Variants in MSH6 observed in about 807,000 individuals in gnomAD.
MSH6 encodes DNA mismatch repair protein Msh6.
Under a neutral mutation model 119.1 loss-of-function variants are expected in MSH6, and 85 were observed. The ratio of observed to expected loss-of-function variants is 0.71; its 90% CI spans 0.60 to 0.85. The LOEUF (loss-of-function observed/expected upper bound fraction) is 0.85. Among genes scored for constraint, MSH6 ranks in the 40% least tolerant of loss-of-function variants. The pLI, the probability that MSH6 is intolerant of heterozygous loss-of-function variation, is 0.00. For missense variants in MSH6, 2,163 were observed against 1,655.3 expected, an observed-to-expected ratio of 1.31 and a Z score of -5.32; for synonymous variants, 830 against 586.9, an observed-to-expected ratio of 1.41 and a Z score of -5.99.
At chr2:47,809,903 A>C (rs115359499), downstream of MSH6, 1,751 of 542,316 alleles carry the variant, frequency 3.2e-3, 34 homozygotes, top group African/African-American at 0.03. Flanking sequence ...TCAAAACTGC[A>C]ATTAACTTTC....
At chr2:47,809,519 G>C (rs369879815), downstream of MSH6, 1 of 997,610 alleles carries the variant, frequency 1.0e-6, no homozygotes, top group South Asian at 1.5e-5. Context: ...AGTGACATAA[G>C]GAATCAAGTT....
intron 2 of MSH6, among the ~76,000 whole-genome samples, chr2:47,792,222 C>T (rs1668775563): frequency 6.6e-6 from 1 of 152,178 alleles, no homozygotes; most frequent in African/African-American, 2.4e-5. Context: ...CTTCTGACCT[C>T]AGGTGATCTG....
intron 2 of MSH6, among the ~76,000 whole-genome samples, chr2:47,792,712 CCTGGAGTATAGTGTTGGGATCATAGCTCA>C (rs1436581862): frequency 2.6e-5 from 4 of 151,980 alleles, no homozygotes; most frequent in Non-Finnish European, 5.9e-5. Flanking sequence ...TGTCACCCAG[CCTGGAGTATAGTGTTGGGATCATAGCTCA>C]CTGGAGCCTT....
chr2:47,809,505 G>C, downstream of MSH6: 1 of 901,868 alleles, frequency 1.1e-6, no homozygotes, highest in South Asian at 1.6e-5. Context: ...TTGCTAACTT[G>C]GAGAGTGACA....
Position 47,806,603 on chromosome 2 carries a change from G to GAAAAGCAAGAGAATTTGA in MSH6, c.3954_3971dup (p.Ala1320_Lys1325dup), listed in dbSNP as rs1670138558. ...GAGGAAGTTATTCAAAAGGGACATA[G>GAAAAGCAAGAGAATTTGA]AAAAGCAAGAGAATTTGAGAAGATG... On this transcript the variant is annotated inframe_insertion, in exon 9 of 10. Coordinates refer to ENST00000234420, the MANE Select transcript of MSH6 (RefSeq NM_000179.3). The GAAAAGCAAGAGAATTTGA allele has an allele frequency of 6.2e-7, 1 of 1,612,990 alleles. No individual in the cohort carries two copies. The highest frequency in any genetic ancestry group is 8.5e-7 in the Non-Finnish European group (1 of 1,179,794).
At chr2:47,795,459 T>C (rs909154809) in intron 2 of MSH6, among the ~76,000 whole-genome samples, 1 of 146,850 alleles carries the variant, frequency 6.8e-6, no homozygotes, top group Non-Finnish European at 1.5e-5. Flanking sequence ...TATACATATA[T>C]ACATTTTTTT....
chr2:47,784,206 A>T, intron 1 of MSH6: 1 of 1,003,894 alleles, frequency 1.0e-6, no homozygotes, highest in Non-Finnish European at 1.2e-6. Flanking sequence ...GGCCGTGGGG[A>T]GCCGAAGTGC....
At chr2:47,808,534 A>G (rs2710163), downstream of MSH6, 356,646 of 898,162 alleles carry the variant, frequency 0.4, 75,298 homozygotes, top group East Asian at 0.64. Flanking sequence ...GGACCAAAAC[A>G]AAATTCTTTG....
At chr2:47,804,696 T>G (rs982742859) in intron 5 of MSH6, among the ~76,000 whole-genome samples, 2 of 152,132 alleles carry the variant, frequency 1.3e-5, no homozygotes, top group African/African-American at 4.8e-5. Context: ...GGCTCTGATG[T>G]TTTAAAGGCC....
downstream of MSH6, chr2:47,809,676 T>G (rs1670473902): frequency 6.2e-7 from 1 of 1,613,464 alleles, no homozygotes; most frequent in South Asian, 1.1e-5. Context: ...TGCCTTCTAG[T>G]GTTGCAGTTG....
At chr2:47,807,732 A>G (rs1359490730), downstream of MSH6, 3 of 238,612 alleles carry the variant, frequency 1.3e-5, no homozygotes, top group Non-Finnish European at 2.5e-5. Flanking sequence ...TACAAAAGCA[A>G]TTGGTACCCA....
At chr2:47,787,908 T>C (rs954954933) in intron 1 of MSH6, among the ~76,000 whole-genome samples, 31 of 152,264 alleles carry the variant, frequency 2.0e-4, no homozygotes, top group African/African-American at 7.5e-4. Flanking sequence ...ACACCTGGCC[T>C]ATTTTGGCAT....
chr2:47,808,515 GCTTTAAGAGGACCAAAACA>G (rs1670382433), downstream of MSH6: 24 of 1,212,476 alleles, frequency 2.0e-5, no homozygotes, highest in Non-Finnish European at 2.7e-5. Context: ...ATGACCTTTG[GCTTTAAGAGGACCAAAACA>G]AAATTCTTTG....
At chr2:47,805,826 G>C in intron 7 of MSH6, 119 bp downstream of exon 7, 1 of 838,582 alleles carries the variant, frequency 1.2e-6, no homozygotes, top group East Asian at 2.5e-5. Context: ...TTTAGAGCAC[G>C]CACTCACCAT....
rs63750138 is a variant in MSH6, at chr2:47,800,297, C to T, written c.2314C>T (p.Arg772Trp). The T allele has an allele frequency of 1.2e-6, 2 of 1,613,936 alleles. No homozygotes were observed. Among genetic ancestry groups the T allele is most frequent in the Admixed American group, 1.7e-5 (1 of 59,980 alleles). The part of the protein sequence containing the change: ...VDTCHTPFGK[R>W]LLKQWLCAPL... ...TACTTGCCATACTCCTTTTGGTAAG[C>T]GGCTCCTAAAGCAATGGCTTTGTGC... Residue 772 changes from arginine to tryptophan, a missense_variant, in exon 4 of 10, where the codon CGG becomes TGG. Coordinates refer to ENST00000234420, the MANE Select transcript of MSH6 (RefSeq NM_000179.3).
intron 8 of MSH6, 37 bp downstream of exon 8, chr2:47,806,395 T>C (rs1474363697): frequency 6.2e-7 from 1 of 1,612,356 alleles, no homozygotes; most frequent in Non-Finnish European, 8.5e-7. Context: ...AATTCGGTTT[T>C]TTGAGAGGGC....
At chr2:47,784,753 G>T (rs897686099) in intron 1 of MSH6, 7 of 152,204 alleles carry the variant, frequency 4.6e-5, no homozygotes, top group African/African-American at 1.7e-4. Context: ...TAGCCACCGC[G>T]CCCGGTCTGT....
At chr2:47,802,451 C>A (rs912927832) in intron 4 of MSH6, among the ~76,000 whole-genome samples, 1 of 152,020 alleles carries the variant, frequency 6.6e-6, no homozygotes, top group Non-Finnish European at 1.5e-5. Flanking sequence ...CTTCCTCAGC[C>A]TCCTGAGTAG....
rs3136351 is a variant in MSH6 at position 47,803,493 on chromosome 2, G to T, written c.3246G>T (p.Pro1082=). Residue 1082 remains proline (P), a synonymous_variant, in exon 5 of 10, where the codon CCG becomes CCT. Transcript: ENST00000234420. ...GPMCRPVILL[P]EDTPPFLELK... is the part of the protein sequence containing the mutation. ...TGTGTCGCCCAGTAATTCTGTTGCC[G>T]GAAGATACCCCCCCCTTCTTAGAGC... The T allele has an allele frequency of 4.6e-3, 7,433 of 1,614,032 alleles. 25 individuals carry two copies. The highest frequency in any genetic ancestry group is 5.6e-3 in the Non-Finnish European group (6,652 of 1,180,016).
Sources: gnomAD v4.1 joint callset for allele counts (sites outside exome capture counted in the v4.1 genomes callset) on GRCh38, gnomAD v4.1.1 for gene constraint, MANE v1.5 for transcripts, NCBI Gene and HGNC (gene_info 2026-07-23, HGNC 2026-07-21) for gene names.